Variants in NEBL observed in about 807,000 individuals in gnomAD.
NEBL encodes nebulette, also known as LIM and SH3 protein 2.
Under a neutral mutation model 140.2 loss-of-function variants are expected in NEBL, and 122 were observed. That is an observed-to-expected ratio of 0.87 (90% CI 0.75 to 1.01). The LOEUF is 1.01. Among genes scored for constraint, NEBL ranks in the 50% least tolerant of loss-of-function variants. NEBL has a pLI of 0.00. For synonymous variants in NEBL, 436 were observed against 398.9 expected, an observed-to-expected ratio of 1.09 and a Z score of -1.11; for missense variants, 1,365 against 1,231.3, an observed-to-expected ratio of 1.11 and a Z score of -1.62.
intron 3 of NEBL, among the ~76,000 whole-genome samples, chr10:20,972,218 T>C (rs1458343540): frequency 6.6e-6 from 1 of 152,148 alleles, no homozygotes; most frequent in East Asian, 1.9e-4. Context: ...AATCTCAAAG[T>C]CTCGTCACAG....
At chr10:21,165,790 G>C (rs1207145667) in intron 2 of NEBL, among the ~76,000 whole-genome samples, 1 of 152,164 alleles carries the variant, frequency 6.6e-6, no homozygotes. Context: ...CCCAGGGAAA[G>C]GTGTGGGGTC....
At position 20,954,013 on chromosome 10, in the gene NEBL, A is replaced by G. The variant is rs1338527208; in HGVS notation, c.357+7659T>C. On this transcript the variant is annotated intron_variant, in intron 4 of 6. Coordinates refer to the NEBL transcript ENST00000417816. ...GACTGAAAAGTGGATGGGATGGCAA[A>G]CTCTTCTTAAGGAAAAAAAAAAAAA... Among the ~76,000 whole-genome samples the G allele has an allele frequency of 6.1e-4, 84 of 137,914 alleles. 1 individual carries two copies. The highest frequency in any genetic ancestry group is 1.7e-4 in the Non-Finnish European group (11 of 63,866). 90.5% of individuals were successfully genotyped at this position (137,914 alleles called of 152,430 possible).
chr10:20,852,390 T>C (rs1290999642), intron 10 of NEBL, among the ~76,000 whole-genome samples, 155 bp downstream of exon 10: 1 of 152,178 alleles, frequency 6.6e-6, no homozygotes, highest in Non-Finnish European at 1.5e-5. Flanking sequence ...GCAAATAGTG[T>C]TTGAGATTTT....
intron 3 of NEBL, among the ~76,000 whole-genome samples, chr10:21,243,767 A>G (rs1339100215): frequency 6.6e-6 from 1 of 152,168 alleles, no homozygotes; most frequent in African/African-American, 2.4e-5. Flanking sequence ...TTCTCCCCAC[A>G]CACAGCGGCA....
At chr10:21,155,871 A>G (rs1245226069) in intron 2 of NEBL, among the ~76,000 whole-genome samples, 1 of 152,036 alleles carries the variant, frequency 6.6e-6, no homozygotes, top group South Asian at 2.1e-4. Flanking sequence ...CCTCCTCACA[A>G]TCAATTCCTC....
At chr10:20,923,666 CAA>C (rs71390799) in intron 4 of NEBL, among the ~76,000 whole-genome samples, 77 of 28,354 alleles carry the variant, frequency 2.7e-3, no homozygotes, top group African/African-American at 8.1e-3. Context: ...GACTCCGTCT[CAA>C]AAAAAAAAAA....
At chr10:21,223,284 A>C (rs1364310456) in intron 3 of NEBL, among the ~76,000 whole-genome samples, 2 of 152,190 alleles carry the variant, frequency 1.3e-5, no homozygotes, top group Admixed American at 6.5e-5. Flanking sequence ...TCCATGGATA[A>C]GTGAGAATAT....
In NEBL at chr10:20,817,477, G is replaced by C. The variant is rs71578954; in HGVS notation, c.2148+123C>G. On this transcript the variant is annotated intron_variant, in intron 21 of 27. Transcript: ENST00000377122. The stretch of plus-strand genomic sequence containing the variant: ...GTCCCCGAAATCTTTCAAATAAGTT[G>C]TTAGTCAAATGAGAACAGGACATCA... The C allele has an allele frequency of 9.0e-4, 776 of 862,684 alleles. 2 individuals are homozygous for C. Among genetic ancestry groups the C allele is most frequent in the Middle Eastern group, 3.9e-3 (18 of 4,560 alleles). 53.4% of individuals were successfully genotyped at this position (862,684 alleles called of 1,614,324 possible). A position where few individuals can be genotyped will look rare whatever the true frequency, so the allele number is the denominator to read the frequency against.
intron 7 of NEBL, among the ~76,000 whole-genome samples, chr10:20,865,051 G>C (rs1392063070): frequency 2.0e-5 from 3 of 152,090 alleles, no homozygotes; most frequent in Non-Finnish European, 4.4e-5. Flanking sequence ...GATCACATGG[G>C]GGAATTTTTG....
At position 21,141,319 on chromosome 10, in the gene NEBL, G is replaced by A. The variant is rs569709972; in HGVS notation, c.164+31064C>T. 3.3e-5 allele frequency among the ~76,000 whole-genome samples: 5 copies of A among 152,062 alleles called. 1 individual carries two copies. The South Asian group carries it at 6.2e-4, about 19-fold the overall frequency. ...GGTATTTATGTAAGGGAATGCCTTC[G>A]TTTTTAGGAAATACACAGTGCATTA... On this transcript the variant is annotated intron_variant, in intron 2 of 6. Coordinates refer to the NEBL transcript ENST00000417816.
In NEBL at chr10:21,009,377, A is replaced by T. The variant is rs562137329; in HGVS notation, c.249+10740T>A. 7.2e-5 allele frequency among the ~76,000 whole-genome samples: 11 copies of T among 152,356 alleles called. No individual in the cohort carries two copies. In the South Asian group the frequency reaches 2.3e-3, roughly 32 times the overall value. ...GATTTATCTTAGAAGACATTCACAGATCATGGATTCCTGTAAATAAGAAAA... is the reference window on the plus strand; with the variant it reads ...GATTTATCTTAGAAGACATTCACAGTTCATGGATTCCTGTAAATAAGAAAA... On this transcript the variant is annotated intron_variant, in intron 3 of 6. Coordinates refer to the NEBL transcript ENST00000417816.
chr10:20,960,535 T>C (rs1283219641), intron 4 of NEBL, among the ~76,000 whole-genome samples: 1 of 152,096 alleles, frequency 6.6e-6, no homozygotes, highest in African/African-American at 2.4e-5. Context: ...ATCCTCCCAC[T>C]TCCTAATAAA....
At chr10:21,072,586 A>G (rs1835868541) in intron 2 of NEBL, among the ~76,000 whole-genome samples, 1 of 152,260 alleles carries the variant, frequency 6.6e-6, no homozygotes, top group Non-Finnish European at 1.5e-5. Context: ...AACAAAGGAC[A>G]GAGTGCGGAG....
intron 2 of NEBL, among the ~76,000 whole-genome samples, chr10:21,155,737 C>G (rs1840313612): frequency 6.6e-6 from 1 of 152,192 alleles, no homozygotes. Context: ...AAAACATTAC[C>G]TGGTTCCAGA....
chr10:20,848,614 C>G (rs1301474540), intron 11 of NEBL, among the ~76,000 whole-genome samples: 1 of 148,670 alleles, frequency 6.7e-6, no homozygotes, highest in Non-Finnish European at 1.5e-5. Flanking sequence ...AGCACAAACC[C>G]TATTATGAAC....
intron 26 of NEBL, among the ~76,000 whole-genome samples, chr10:20,802,558 T>C (rs1480923547): frequency 2.6e-5 from 4 of 152,032 alleles, no homozygotes; most frequent in African/African-American, 9.7e-5. Flanking sequence ...AAAATGAAAA[T>C]ACTGAACAAT....
chr10:20,902,231 G>A (rs376969226), upstream of NEBL, among the ~76,000 whole-genome samples: 5 of 152,036 alleles, frequency 3.3e-5, no homozygotes, highest in East Asian at 3.9e-4. Context: ...GTGAAACCCC[G>A]TCTCTACTAA....
chr10:20,896,414 C>G (rs1278515140), intron 2 of NEBL, among the ~76,000 whole-genome samples: 2 of 147,794 alleles, frequency 1.4e-5, no homozygotes, highest in East Asian at 3.9e-4. Flanking sequence ...TATCCTTGCA[C>G]TAATATCAGG....
intron 2 of NEBL, among the ~76,000 whole-genome samples, chr10:21,124,791 C>T (rs1445600499): frequency 1.3e-5 from 2 of 152,038 alleles, no homozygotes; most frequent in African/African-American, 2.4e-5. Flanking sequence ...CCATTGTTAC[C>T]AAAAATACAC....
Sources: gnomAD v4.1 joint callset for allele counts (sites outside exome capture counted in the v4.1 genomes callset) on GRCh38, gnomAD v4.1.1 for gene constraint, MANE v1.5 for transcripts, NCBI Gene and HGNC (gene_info 2026-07-23, HGNC 2026-07-21) for gene names.